IGDCC3: variants seen among roughly 807,000 people sequenced by gnomAD.
IGDCC3 encodes putative neuronal cell adhesion molecule.
A neutral mutation model predicts 72.0 loss-of-function variants in IGDCC3; 47 were observed. The observed-to-expected ratio is 0.65, with a 90% CI of 0.52 to 0.83. IGDCC3 has a LOEUF of 0.83. Among genes scored for constraint, IGDCC3 ranks in the 40% least tolerant of loss-of-function variants. The pLI is 0.00. For missense variants in IGDCC3, 1,038 were observed against 1,091.3 expected (o/e 0.95, Z 0.69); for synonymous variants, 477 against 472.8 (o/e 1.01, Z -0.11).
At chr15:65,351,274 C>A (rs1036385309) in intron 2 of IGDCC3, among the ~76,000 whole-genome samples, 3 of 152,178 alleles carry the variant, frequency 2.0e-5, no homozygotes, top group African/African-American at 2.4e-5. Context: ...CAGTGGCTCA[C>A]GCCTGTAATC....
rs142811844 is a variant in IGDCC3, at chr15:65,375,972, G to A, written c.104-570C>T. On this transcript the variant is annotated intron_variant, in intron 1 of 13. Coordinates refer to ENST00000327987, the MANE Select transcript of IGDCC3 (RefSeq NM_004884.4). ...TTTAAAGTTCTAAAGAAATACAGAG[G>A]GAGATAGTAATAAATCATGCTTCTT... Among the ~76,000 whole-genome samples the A allele has an allele frequency of 5.4e-3, 824 of 152,260 alleles. 10 individuals are homozygous for A. The highest frequency in any genetic ancestry group is 0.019 in the African/African-American group (773 of 41,536).
intron 2 of IGDCC3, among the ~76,000 whole-genome samples, chr15:65,362,789 C>G (rs1194307930): frequency 6.6e-6 from 1 of 151,746 alleles, no homozygotes; most frequent in African/African-American, 2.4e-5. Flanking sequence ...GTCAGACCCA[C>G]CAACGGTCCT....
At chr15:65,353,240 T>A (rs552517776) in intron 2 of IGDCC3, among the ~76,000 whole-genome samples, 112 of 113,962 alleles carry the variant, frequency 9.8e-4, no homozygotes, top group Middle Eastern at 7.7e-3. Context: ...CCTCCCTCCC[T>A]CCTTCCTTCC....
chr15:65,364,306 A>G (rs993583387), intron 2 of IGDCC3, among the ~76,000 whole-genome samples: 1 of 152,214 alleles, frequency 6.6e-6, no homozygotes, highest in African/African-American at 2.4e-5. Context: ...TCGTTTACTC[A>G]TCTGTAAAAC....
chr15:65,330,359 T>G lies in IGDCC3; in HGVS notation c.1792A>C (p.Asn598His). ...AVYEVKLLAYNQHGDGNATVR... is the reference protein window; with the variant it reads ...AVYEVKLLAYHQHGDGNATVR... ...GTGGCATTGCCATCTCCATGCTGGT[T>G]GTAGGCGAGCAGCTTCACCTCATAC... The change falls in exon 11 of 14, where the codon AAC (asparagine) becomes CAC (histidine). Residue 598 changes from asparagine to histidine, a missense_variant. Transcript: ENST00000327987. 6.2e-7 allele frequency: 1 copy of G among 1,614,104 alleles called. No individual in the cohort carries two copies. Among genetic ancestry groups the G allele is most frequent in the Non-Finnish European group, 8.5e-7 (1 of 1,179,992 alleles).
intron 2 of IGDCC3, among the ~76,000 whole-genome samples, chr15:65,353,376 G>A (rs2140157582): frequency 6.6e-6 from 1 of 152,054 alleles, no homozygotes; most frequent in Non-Finnish European, 1.5e-5. Flanking sequence ...TCAGGCTCCA[G>A]TGTAGCTGGG....
rs1315208940 is a variant in IGDCC3 at position 65,334,796 on chromosome 15, T to G, written c.755A>C (p.His252Pro). Residue 252 changes from histidine to proline, a missense_variant, in exon 5 of 14, where the codon CAC (histidine) becomes CCC (proline). Transcript: ENST00000327987. The stretch of plus-strand genomic sequence containing the variant: ...GACACACTCAAGCACCGCGGTCTGG[T>G]GCACTGTCAGGGTGAGGTTCTCAGG... ...VGPENLTLTV[H>P]QTAVLECVAT... is the part of the protein sequence containing the mutation. 1 of 1,612,290 alleles carries G rather than the reference T, an allele frequency of 6.2e-7. No individual in the cohort carries two copies.
chr15:65,369,067 G>A (rs1444587463), intron 2 of IGDCC3, among the ~76,000 whole-genome samples: 1 of 152,210 alleles, frequency 6.6e-6, no homozygotes, highest in East Asian at 1.9e-4. Flanking sequence ...AACAATGCAA[G>A]CAGCCATCAC....
intron 2 of IGDCC3, among the ~76,000 whole-genome samples, chr15:65,356,864 T>TTTTTTTTTTTTC (rs1158623401): frequency 7.0e-6 from 1 of 143,798 alleles, no homozygotes; most frequent in Non-Finnish European, 1.5e-5. Flanking sequence ...TTTTTTTTTT[T>TTTTTTTTTTTTC]TTTGAGATGG....
chr15:65,331,686 T>C, intron 7 of IGDCC3, 27 bp from the exon 8 acceptor site: 1 of 1,564,072 alleles, frequency 6.4e-7, no homozygotes, highest in South Asian at 1.2e-5. Context: ...CAGCCTCAGG[T>C]TCCCTCCTCC....
At position 65,335,865 on chromosome 15, in the gene IGDCC3, T is replaced by C; in HGVS notation, c.501A>G (p.Lys167=). Residue 167 remains lysine, a synonymous_variant, in exon 3 of 14, where the codon AAA becomes AAG. Transcript: ENST00000327987. ...RFQCQIHGLP[K]PLITWEKNRV... is the part of the protein sequence containing the mutation. Reference sequence around the variant, plus strand: ...TGTTCTTCTCCCAAGTGATCAGGGGTTTGGGAAGCCCATGGATTTGGCACT... The same window carrying C: ...TGTTCTTCTCCCAAGTGATCAGGGGCTTGGGAAGCCCATGGATTTGGCACT... 1 of 1,614,170 alleles carries C rather than the reference T, an allele frequency of 6.2e-7. No individual in the cohort carries two copies. The highest frequency in any genetic ancestry group is 8.5e-7 in the Non-Finnish European group (1 of 1,180,018).
intron 2 of IGDCC3, among the ~76,000 whole-genome samples, chr15:65,364,175 T>C (rs1270355959): frequency 1.3e-5 from 2 of 152,194 alleles, no homozygotes; most frequent in Non-Finnish European, 2.9e-5. Context: ...TCCAGGGGTG[T>C]GAGCCCCTGC....
At chr15:65,363,106 C>T (rs562151254) in intron 2 of IGDCC3, among the ~76,000 whole-genome samples, 6 of 152,204 alleles carry the variant, frequency 3.9e-5, no homozygotes, top group South Asian at 4.1e-4. Context: ...GTGATCTGCC[C>T]GCCTCAGCCT....
At chr15:65,342,901 C>T (rs960737335) in intron 2 of IGDCC3, among the ~76,000 whole-genome samples, 4 of 152,050 alleles carry the variant, frequency 2.6e-5, no homozygotes, top group African/African-American at 7.2e-5. Flanking sequence ...CTCTGTTGCC[C>T]GGGTTCACCT....
chr15:65,338,038 G>A (rs1015551652), intron 2 of IGDCC3, among the ~76,000 whole-genome samples: 29 of 152,336 alleles, frequency 1.9e-4, no homozygotes, highest in Middle Eastern at 3.4e-3. Context: ...CGCTGGGGAT[G>A]GAGAAAGTCT....
chr15:65,329,583 T>G lies in IGDCC3; in HGVS notation c.2012A>C (p.Lys671Thr). Reference sequence around the variant, plus strand: ...AGGGGACAGCTGGTTTTCCACATCTTTACACAGGAGGACCCTAAGGGTTAG... The same window carrying G: ...AGGGGACAGCTGGTTTTCCACATCTGTACACAGGAGGACCCTAAGGGTTAG... Reference protein sequence around the residue: ...FGQRGRVLLCKDVENQLSPPQ... With the variant: ...FGQRGRVLLCTDVENQLSPPQ... The change falls in exon 13 of 14, where the codon AAA (lysine) becomes ACA (threonine). Residue 671 changes from lysine to threonine, a missense_variant. By Grantham distance (78) the Lys-to-Thr change is moderately conservative. Coordinates refer to ENST00000327987, the MANE Select transcript of IGDCC3 (RefSeq NM_004884.4). The surrounding 1 kb of genome is among the most constrained non-coding windows in gnomAD (Gnocchi z 4.1). 6.2e-7 allele frequency: 1 copy of G among 1,612,752 alleles called. No individual in the cohort carries two copies. Among genetic ancestry groups the G allele is most frequent in the Non-Finnish European group, 8.5e-7 (1 of 1,179,692 alleles).
At chr15:65,349,478 A>T (rs2091154864) in intron 2 of IGDCC3, among the ~76,000 whole-genome samples, 1 of 152,228 alleles carries the variant, frequency 6.6e-6, no homozygotes, top group South Asian at 2.1e-4. Flanking sequence ...GATTAATGCG[A>T]AAAAGAATTC....
intron 2 of IGDCC3, among the ~76,000 whole-genome samples, chr15:65,338,425 C>T (rs1255331796): frequency 6.6e-6 from 1 of 152,184 alleles, no homozygotes; most frequent in Admixed American, 6.5e-5. Flanking sequence ...CTTAGTTTTC[C>T]AGCAAGTTTC....
Position 65,327,966 on chromosome 15 carries a change from CGGGG to C in IGDCC3, c.*939_*942del, listed in dbSNP as rs1567058202. On this transcript the variant is annotated 3_prime_UTR_variant, in exon 14 of 14. Transcript: ENST00000327987. ...TCAAAATGGGAGTGGACAGACAAGA[CGGGG>C]ACAGGCGGTGTGCTGGGAGGTGGCT... 6.5e-6 allele frequency: 1 copy of C among 152,672 alleles called. No individual in the cohort carries two copies. Among genetic ancestry groups the C allele is most frequent in the African/African-American group, 2.4e-5 (1 of 41,464 alleles). 9.5% of individuals were successfully genotyped at this position (152,672 alleles called of 1,614,324 possible). A position where few individuals can be genotyped will look rare whatever the true frequency, so the allele number is the denominator to read the frequency against.
Sources: gnomAD v4.1 joint callset for allele counts (sites outside exome capture counted in the v4.1 genomes callset) on GRCh38, gnomAD v4.1.1 for gene constraint, Gnocchi (gnomAD v3.1) non-coding constraint, MANE v1.5 for transcripts, NCBI Gene and HGNC (gene_info 2026-07-23, HGNC 2026-07-21) for gene names.